Variants in NCAM2 observed in about 807,000 individuals in gnomAD.
The protein encoded by NCAM2 is neural cell adhesion molecule 2.
A neutral mutation model predicts 98.1 loss-of-function variants in NCAM2; 30 were observed. The observed-to-expected ratio is 0.31, with a 90% CI of 0.23 to 0.41. NCAM2 has a LOEUF of 0.41. Ranked by LOEUF, NCAM2 falls within the 10% of genes least tolerant of loss-of-function variation. The pLI is 1.00. For synonymous variants in NCAM2, 368 were observed against 342.4 expected (o/e 1.07, Z -0.83); for missense variants, 867 against 1,005.8 (o/e 0.86, Z 1.87).
At position 21,430,394 on chromosome 21, in the gene NCAM2, T is replaced by TTATATATATATATATATATATATA. The variant is rs548093741; in HGVS notation, c.1481-1705_1481-1704insATATATATATATATATATATATAT. Among the ~76,000 whole-genome samples, 299 of 124,996 alleles carry TTATATATATATATATATATATATA rather than the reference T, an allele frequency of 2.4e-3. 14 individuals are homozygous for TTATATATATATATATATATATATA. The highest frequency in any genetic ancestry group is 4.1e-3 in the Middle Eastern group (1 of 244). 82.0% of individuals were successfully genotyped at this position (124,996 alleles called of 152,430 possible). A position where few individuals can be genotyped will look rare whatever the true frequency, so the allele number is the denominator to read the frequency against. ...TGTACTGCATATTTATCAGTCAAGT[T>TTATATATATATATATATATATATA]TATATATATTAGCCCATTCTCACAC... On this transcript the variant is annotated intron_variant, in intron 11 of 17. Coordinates refer to ENST00000400546, the MANE Select transcript of NCAM2 (RefSeq NM_004540.5).
chr21:21,454,565 A>G (rs1981839520), intron 12 of NCAM2, among the ~76,000 whole-genome samples: 1 of 151,964 alleles, frequency 6.6e-6, no homozygotes, highest in African/African-American at 2.4e-5. Context: ...TTAATATTTT[A>G]AATAACTTTC....
chr21:21,148,274 G>C (rs2067345796), intron 1 of NCAM2, among the ~76,000 whole-genome samples: 1 of 152,182 alleles, frequency 6.6e-6, no homozygotes, highest in African/African-American at 2.4e-5. Context: ...CAGAGGATGT[G>C]TACTTAATTA....
intron 1 of NCAM2, among the ~76,000 whole-genome samples, chr21:21,069,673 C>G (rs1247242115): frequency 6.6e-6 from 1 of 151,092 alleles, no homozygotes; most frequent in Non-Finnish European, 1.5e-5. Flanking sequence ...TACCATGATG[C>G]CTGTACTTTT....
chr21:21,038,841 A>G (rs1299760703), intron 1 of NCAM2, among the ~76,000 whole-genome samples: 2 of 152,158 alleles, frequency 1.3e-5, no homozygotes, highest in Non-Finnish European at 2.9e-5. Context: ...TTCAATTAGC[A>G]TGGCTCTGTG....
intron 1 of NCAM2, among the ~76,000 whole-genome samples, chr21:21,099,292 A>T (rs2066189529): frequency 2.0e-5 from 3 of 151,906 alleles, no homozygotes; most frequent in Admixed American, 6.6e-5. Flanking sequence ...GGCTCAGGCA[A>T]GCTACACTAA....
chr21:21,262,572 C>T (rs1320763032), intron 1 of NCAM2, among the ~76,000 whole-genome samples: 1 of 145,912 alleles, frequency 6.9e-6, no homozygotes, highest in African/African-American at 2.5e-5. Flanking sequence ...AAAGAATTTC[C>T]CTTAAGAACT....
At chr21:21,133,135 T>C (rs2066970732) in intron 1 of NCAM2, among the ~76,000 whole-genome samples, 1 of 152,222 alleles carries the variant, frequency 6.6e-6, no homozygotes, top group African/African-American at 2.4e-5. Flanking sequence ...ATTGCTTTAA[T>C]TTATTATGCA....
Position 21,245,525 on chromosome 21 carries a change from G to A in NCAM2, c.56-35053G>A, listed in dbSNP as rs200928911. Among the ~76,000 whole-genome samples, 8 of 152,236 alleles carry A rather than the reference G, an allele frequency of 5.3e-5. No homozygotes were observed. The East Asian group carries it at 1.2e-3, about 22-fold the overall frequency. The stretch of plus-strand genomic sequence containing the variant: ...TGGCATCCACCTGCAGTGGCCAGAC[G>A]TGTCCACTCAGGAAGATTGTCAGGA... On this transcript the variant is annotated intron_variant, in intron 1 of 17. Transcript: ENST00000400546.
intron 12 of NCAM2, among the ~76,000 whole-genome samples, chr21:21,435,189 C>T (rs1306145885): frequency 1.3e-5 from 2 of 152,178 alleles, no homozygotes; most frequent in African/African-American, 4.8e-5. Flanking sequence ...GAGAAATGCT[C>T]CACATTCTCA....
chr21:21,499,843 A>G (rs1231979326), intron 15 of NCAM2, among the ~76,000 whole-genome samples: 6 of 152,150 alleles, frequency 3.9e-5, no homozygotes, highest in African/African-American at 1.4e-4. Context: ...TGAAACAACA[A>G]TATTATTTAG....
Position 21,529,767 on chromosome 21 carries a change from A to G in NCAM2, c.2283-4770A>G, listed in dbSNP as rs537756190. On this transcript the variant is annotated intron_variant, in intron 16 of 17. Coordinates refer to ENST00000400546, the MANE Select transcript of NCAM2 (RefSeq NM_004540.5). ...TGGAAACTCTCTCTCTCTCTGTGTTAATATTAATAAAACATAACATAGTAT... is the reference window on the plus strand; with the variant it reads ...TGGAAACTCTCTCTCTCTCTGTGTTGATATTAATAAAACATAACATAGTAT... Among the ~76,000 whole-genome samples the G allele has an allele frequency of 2.0e-5, 3 of 151,938 alleles. No homozygotes were observed. In the East Asian group the frequency reaches 5.8e-4, roughly 29 times the overall value.
chr21:21,251,476 G>C (rs1242334003), intron 1 of NCAM2, among the ~76,000 whole-genome samples: 1 of 152,110 alleles, frequency 6.6e-6, no homozygotes, highest in Admixed American at 6.6e-5. Flanking sequence ...CCCTGCAAAG[G>C]ACATGATCTC....
intron 5 of NCAM2, among the ~76,000 whole-genome samples, chr21:21,297,900 A>T (rs890880818): frequency 6.6e-6 from 1 of 151,812 alleles, no homozygotes; most frequent in Non-Finnish European, 1.5e-5. Context: ...TGCAGGTTCA[A>T]ATTGGGGTAA....
At chr21:21,004,170 A>G (rs1266252574) in intron 1 of NCAM2, among the ~76,000 whole-genome samples, 2 of 152,222 alleles carry the variant, frequency 1.3e-5, no homozygotes, top group Non-Finnish European at 2.9e-5. Context: ...AAATGAATCT[A>G]ATATATCTTC....
At chr21:21,495,748 A>G (rs1987180733) in intron 15 of NCAM2, among the ~76,000 whole-genome samples, 1 of 151,968 alleles carries the variant, frequency 6.6e-6, no homozygotes, top group African/African-American at 2.4e-5. Flanking sequence ...AGCCATGTTC[A>G]GATTAAAATG....
intron 1 of NCAM2, among the ~76,000 whole-genome samples, chr21:21,055,318 GTGTGATTA>G (rs538007784): frequency 3.4e-4 from 52 of 152,120 alleles, no homozygotes; most frequent in African/African-American, 1.2e-3. Flanking sequence ...GTATGTGTCT[GTGTGATTA>G]TGCCCACTGG....
chr21:21,425,511 T>A (rs114651515), intron 11 of NCAM2, among the ~76,000 whole-genome samples: 2 of 152,166 alleles, frequency 1.3e-5, no homozygotes, highest in South Asian at 4.1e-4. Flanking sequence ...GACATACTCA[T>A]ATTTGGAGGA....
At chr21:21,218,629 G>C (rs2070007977) in intron 1 of NCAM2, among the ~76,000 whole-genome samples, 2 of 152,176 alleles carry the variant, frequency 1.3e-5, no homozygotes, top group East Asian at 1.9e-4. Context: ...AAGAAAGGCA[G>C]AGATTTGCAA....
chr21:21,447,574 C>A (rs1234770098), intron 12 of NCAM2, among the ~76,000 whole-genome samples: 1 of 152,060 alleles, frequency 6.6e-6, no homozygotes, highest in Non-Finnish European at 1.5e-5. Flanking sequence ...AGTTTCTGCA[C>A]AGCAAAATAA....
Sources: gnomAD v4.1 joint callset for allele counts (sites outside exome capture counted in the v4.1 genomes callset) on GRCh38, gnomAD v4.1.1 for gene constraint, MANE v1.5 for transcripts, NCBI Gene and HGNC (gene_info 2026-07-23, HGNC 2026-07-21) for gene names.